The following SAMD11 variants were observed in gnomAD, a reference collection of about 807,000 sequenced individuals.
SAMD11 encodes the protein sterile alpha motif domain-containing protein 11.
In SAMD11, 77 loss-of-function variants were observed where a neutral mutation model predicts 64.4. The ratio of observed to expected loss-of-function variants is 1.20; its 90% confidence interval spans 0.99 to 1.44. The LOEUF is 1.44. SAMD11 is among the 40% of genes most tolerant of loss of function. SAMD11 has a pLI of 0.00. For synonymous variants in SAMD11, 658 were observed against 421.9 expected, an observed-to-expected ratio of 1.56 and a Z score of -6.86; for missense variants, 1,402 against 943.3, an observed-to-expected ratio of 1.49 and a Z score of -6.37.
At position 943,359 on chromosome 1, in the gene SAMD11, C is replaced by T. The variant is rs1371929087; in HGVS notation, c.2160C>T (p.Gly720=). 1.9e-6 allele frequency: 3 copies of T among 1,578,558 alleles called. No individual in the cohort carries two copies. The highest frequency in any genetic ancestry group is 2.7e-5 in the African/African-American group (2 of 73,792). Residue 720 remains glycine, a synonymous_variant, in exon 12 of 14, where the codon GGC becomes GGT. Coordinates refer to ENST00000616016, the MANE Select transcript of SAMD11 (RefSeq NM_001385641.1). ...GCAGCTTCGTGGGGGGCCTGTCTGG[C>T]TGTGGAGAGTACACTCGGGTAAGGG... ...DVCSFVGGLS[G]CGEYTRVFRE...
chr1:939,249 C>G (rs1641618991), intron 6 of SAMD11, 26 bp from the exon 7 acceptor site: 2 of 1,572,690 alleles, frequency 1.3e-6, no homozygotes, highest in African/African-American at 2.7e-5. Flanking sequence ...CTGGAGAAAC[C>G]TCTCACCCCG....
chr1:942,447 C>T lies in SAMD11; in HGVS notation c.1512C>T (p.Phe504=), dbSNP rs763354148. ...TGCCCCCCGCGCAGGCGGAGATGTT[C>T]GCCTGGCAGCAGGAGCTCCTGCGGA... ...GFLPPAQAEM[F]AWQQELLRKQ... is the part of the protein sequence containing the mutation. The change falls in exon 10 of 14, where the codon TTC becomes TTT. Residue 504 remains phenylalanine, a synonymous_variant. Coordinates refer to ENST00000616016, the MANE Select transcript of SAMD11 (RefSeq NM_001385641.1). The T allele has an allele frequency of 5.4e-6, 8 of 1,487,806 alleles. No individual in the cohort carries two copies. The Admixed American group carries it at 6.5e-5, about 12-fold the overall frequency. 92.2% of individuals were successfully genotyped at this position (1,487,806 alleles called of 1,614,324 possible).
Position 924,375 on chromosome 1 carries a change from G to A in SAMD11, c.-57G>A, listed in dbSNP as rs1287788074. On this transcript the variant is annotated 5_prime_UTR_variant, in exon 1 of 14. Coordinates refer to ENST00000616016, the MANE Select transcript of SAMD11 (RefSeq NM_001385641.1). ...CCCCCGCGACCCAACTCCAGCCCGG[G>A]CCGGAATAAGTTGCTGCCGCCGGCG... is the stretch of plus-strand genomic sequence containing the variant. 2.0e-5 allele frequency: 3 copies of A among 149,476 alleles called. No homozygotes were observed. The highest frequency in any genetic ancestry group is 4.9e-5 in the African/African-American group (2 of 41,142). 9.3% of individuals were successfully genotyped at this position (149,476 alleles called of 1,614,324 possible).
intron 5 of SAMD11, among the ~76,000 whole-genome samples, chr1:937,254 G>A (rs990489436): frequency 1.3e-5 from 2 of 152,094 alleles, no homozygotes; most frequent in African/African-American, 2.4e-5. Flanking sequence ...CCGCTAAGCC[G>A]CACCTCCCTG....
In SAMD11 at chr1:942,590, A is replaced by G. The variant is rs1028575136; in HGVS notation, c.1585A>G (p.Lys529Glu). The G allele has an allele frequency of 3.7e-5, 53 of 1,420,154 alleles. No individual in the cohort carries two copies. The highest frequency in any genetic ancestry group is 1.2e-4 in the East Asian group (4 of 32,692). The allele number at this position is 1,420,154 out of a possible 1,614,324, so 88.0% of individuals were successfully genotyped here. A position where few individuals can be genotyped will look rare whatever the true frequency, so the allele number is the denominator to read the frequency against. ...LELPADLLRQKELESARPQLL... is the reference protein window; with the variant it reads ...LELPADLLRQEELESARPQLL... The stretch of plus-strand genomic sequence containing the variant: ...GCTGCCCGCCGACCTCCTGCGGCAG[A>G]AGGAGCTGGAGAGCGCGCGCCCACA... The change falls in exon 11 of 14, where the codon AAG becomes GAG. Residue 529 changes from lysine (K) to glutamate (E), a missense_variant. By Grantham distance (56) the Lys-to-Glu change is moderately conservative. Transcript: ENST00000616016.
chr1:925,557 C>A (rs1339258807), intron 1 of SAMD11, among the ~76,000 whole-genome samples: 4 of 152,132 alleles, frequency 2.6e-5, no homozygotes, highest in Non-Finnish European at 5.9e-5. Context: ...CCTCTTCCTG[C>A]CGCGCAGGCC....
At position 939,269 on chromosome 1, in the gene SAMD11, C is replaced by T. The variant is rs771282827; in HGVS notation, c.1058-6C>T. On this transcript the variant is annotated splice_region_variant and splice_polypyrimidine_tract_variant and intron_variant, in intron 6 of 13. Coordinates refer to ENST00000616016, the MANE Select transcript of SAMD11 (RefSeq NM_001385641.1). ...GAAACCTCTCACCCCGGGTCCTCCC[C>T]AGCAGAGGCGCTGCTGCTGCCGCGG... The T allele has an allele frequency of 6.3e-7, 1 of 1,592,300 alleles. No homozygotes were observed. The highest frequency in any genetic ancestry group is 2.3e-5 in the East Asian group (1 of 43,670).
intron 1 of SAMD11, 136 bp from the exon 2 acceptor site, chr1:925,786 G>A (rs1048471942): frequency 5.2e-5 from 34 of 656,048 alleles, no homozygotes; most frequent in Non-Finnish European, 9.3e-5. Flanking sequence ...AAGCGGGCTG[G>A]GAAGTCGGGC....
chr1:943,232 G>A (rs777320802), intron 11 of SAMD11, 21 bp from the exon 12 acceptor site: 24 of 1,612,470 alleles, frequency 1.5e-5, no homozygotes, highest in Middle Eastern at 3.3e-4. Context: ...CAGAGCCCTA[G>A]TAACACGCCC....
At position 944,382 on chromosome 1, in the gene SAMD11, A is replaced by C; in HGVS notation, c.*229A>C. ...TGCAGACGGAGGGCAGAGGTGGTGGAAGGGGCCAGGGGCCTGCAGGCCTCC... is the reference window on the plus strand; with the variant it reads ...TGCAGACGGAGGGCAGAGGTGGTGGCAGGGGCCAGGGGCCTGCAGGCCTCC... On this transcript the variant is annotated 3_prime_UTR_variant, in exon 14 of 14. Coordinates refer to ENST00000616016, the MANE Select transcript of SAMD11 (RefSeq NM_001385641.1). 1 of 1,333,012 alleles carries C rather than the reference A, an allele frequency of 7.5e-7. No individual in the cohort carries two copies. The highest frequency in any genetic ancestry group is 1.5e-5 in the African/African-American group (1 of 66,298). The allele number at this position is 1,333,012 out of a possible 1,614,324, so 82.6% of individuals were successfully genotyped here. A position where few individuals can be genotyped will look rare whatever the true frequency, so the allele number is the denominator to read the frequency against.
Position 943,777 on chromosome 1 carries a change from A to C in SAMD11, c.2258A>C (p.Lys753Thr). The stretch of plus-strand genomic sequence containing the variant: ...CACCTGCTGACCAACATGGGGCTGA[A>C]GCTGGGGCCCGCCCTCAAGATCCGG... ...EEHLLTNMGL[K>T]LGPALKIRAQ... Residue 753 changes from lysine to threonine, a missense_variant, in exon 13 of 14, where the codon AAG becomes ACG. Transcript: ENST00000616016. The C allele has an allele frequency of 6.2e-7, 1 of 1,612,578 alleles. No homozygotes were observed. The highest frequency in any genetic ancestry group is 8.5e-7 in the Non-Finnish European group (1 of 1,179,884).
At chr1:929,921 C>G (rs571512425) in intron 2 of SAMD11, among the ~76,000 whole-genome samples, 1 of 152,352 alleles carries the variant, frequency 6.6e-6, no homozygotes, top group Admixed American at 6.5e-5. Context: ...CTCGGCTCTC[C>G]TCTGGGTCTC....
chr1:941,429 G>A (rs2100352939), intron 8 of SAMD11, 123 bp downstream of exon 8: 5 of 1,046,708 alleles, frequency 4.8e-6, no homozygotes, highest in Non-Finnish European at 6.7e-6. Flanking sequence ...TTCGGGTCCG[G>A]GCAGAGCGTT....
intron 5 of SAMD11, among the ~76,000 whole-genome samples, chr1:938,133 G>A (rs893012095): frequency 2.0e-5 from 3 of 152,176 alleles, no homozygotes; most frequent in Non-Finnish European, 4.4e-5. Flanking sequence ...GGAGGAGCTC[G>A]GGGTGGGTCG....
At position 942,254 on chromosome 1, in the gene SAMD11, G is replaced by A; in HGVS notation, c.1474+3G>A. On this transcript the variant is annotated splice_donor_region_variant and intron_variant, in intron 9 of 13. Coordinates refer to ENST00000616016, the MANE Select transcript of SAMD11 (RefSeq NM_001385641.1). ...CTCGGCTCTGTGCCAGACCCCAGGT[G>A]AGGAGGCGGGTGCGCATCCCCTGGG... 1 of 1,209,750 alleles carries A rather than the reference G, an allele frequency of 8.3e-7. No homozygotes were observed. The allele number at this position is 1,209,750 out of a possible 1,614,324, so 74.9% of individuals were successfully genotyped here.
chr1:930,965 G>C, intron 3 of SAMD11, 74 bp from the exon 4 acceptor site: 1 of 1,459,968 alleles, frequency 6.8e-7, no homozygotes, highest in Non-Finnish European at 9.6e-7. Context: ...ACAGGTCTGC[G>C]CACGCCCTGC....
chr1:940,677 CGTGCGT>C (rs1641708918), intron 7 of SAMD11, among the ~76,000 whole-genome samples: 1 of 152,142 alleles, frequency 6.6e-6, no homozygotes, highest in African/African-American at 2.4e-5. Context: ...GCTAGTGTGG[CGTGCGT>C]GCGCGGGCGC....
chr1:928,741 C>A (rs1158782628), intron 2 of SAMD11, among the ~76,000 whole-genome samples: 1 of 152,240 alleles, frequency 6.6e-6, no homozygotes, highest in African/African-American at 2.4e-5. Flanking sequence ...CCAGCGCAGG[C>A]CCAGTGGCCG....
rs1640773396 is a variant in SAMD11 at position 923,972 on chromosome 1, G to A, written c.-460G>A. On this transcript the variant is annotated 5_prime_UTR_variant, in exon 1 of 14. Coordinates refer to ENST00000616016, the MANE Select transcript of SAMD11 (RefSeq NM_001385641.1). ...GCCGGGCGGGCGCGCGCCAGTGGAC[G>A]CGGGTGCACGACTGACGCGGCCCGG... is the stretch of plus-strand genomic sequence containing the variant. 1.3e-5 allele frequency: 2 copies of A among 150,746 alleles called. No individual in the cohort carries two copies. The highest frequency in any genetic ancestry group is 4.8e-5 in the African/African-American group (2 of 41,296). The allele number at this position is 150,746 out of a possible 1,614,324, so 9.3% of individuals were successfully genotyped here.
Sources: gnomAD v4.1 joint callset for allele counts (sites outside exome capture counted in the v4.1 genomes callset) on GRCh38, gnomAD v4.1.1 for gene constraint, MANE v1.5 for transcripts, NCBI Gene and HGNC (gene_info 2026-07-23, HGNC 2026-07-21) for gene names.